Variants in NETO1 observed in about 807,000 individuals in gnomAD.
NETO1 encodes the protein neuropilin and tolloid like 1, also known as neuropilin and tolloid-like protein 1.
NETO1 carries 26 observed loss-of-function variants against 61.3 expected under a neutral mutation model. That is an observed-to-expected ratio of 0.42 (90% confidence interval 0.31 to 0.59). The LOEUF (loss-of-function observed/expected upper bound fraction) is 0.59. Among genes scored for constraint, NETO1 ranks in the 20% least tolerant of loss-of-function variants. The pLI, the probability that NETO1 is intolerant of heterozygous loss-of-function variation, is 0.12. For missense variants in NETO1, 531 were observed against 662.8 expected, an observed-to-expected ratio of 0.80 and a Z score of 2.18; for synonymous variants, 225 against 225.8, an observed-to-expected ratio of 1.00 and a Z score of 0.03.
intron 4 of NETO1, among the ~76,000 whole-genome samples, chr18:72,852,333 G>A (rs759265862): frequency 2.5e-4 from 38 of 152,112 alleles, no homozygotes; most frequent in Non-Finnish European, 5.0e-4. Flanking sequence ...TCCTGCCTCA[G>A]CCTCCCGAGT....
intron 4 of NETO1, among the ~76,000 whole-genome samples, chr18:72,851,450 G>A (rs1195987105): frequency 6.6e-6 from 1 of 151,694 alleles, no homozygotes; most frequent in South Asian, 2.1e-4. Flanking sequence ...AACAAAATTC[G>A]TGGGAGATCT....
In NETO1 at chr18:72,830,481, A is replaced by G. The variant is rs957264074; in HGVS notation, c.469+28345T>C. ...GGCATCTAAACAAGGAGTCCAAAAA[A>G]CAAACACAAATGACAAAAATAACAA... On this transcript the variant is annotated intron_variant, in intron 4 of 10. Transcript: ENST00000327305. The surrounding 1 kb of genome is among the most constrained non-coding windows in gnomAD (Gnocchi z 4.9). 1.3e-5 allele frequency among the ~76,000 whole-genome samples: 2 copies of G among 152,170 alleles called. No individual in the cohort carries two copies. The highest frequency in any genetic ancestry group is 1.3e-4 in the Admixed American group (2 of 15,280).
intron 4 of NETO1, among the ~76,000 whole-genome samples, chr18:72,800,445 G>T (rs2072467490): frequency 6.6e-6 from 1 of 152,096 alleles, no homozygotes; most frequent in African/African-American, 2.4e-5. Context: ...AGAGTAGACT[G>T]GACATAAGCA....
At chr18:72,807,051 CAGAGT>C (rs1351954168) in intron 4 of NETO1, among the ~76,000 whole-genome samples, 1 of 152,140 alleles carries the variant, frequency 6.6e-6, no homozygotes, top group African/African-American at 2.4e-5. Flanking sequence ...ATCTTAACAG[CAGAGT>C]AAAGAATAGC....
At position 72,750,631 on chromosome 18, in the gene NETO1, G is replaced by C. The variant is rs766805477; in HGVS notation, c.983-11C>G. The C allele has an allele frequency of 5.1e-6, 8 of 1,576,236 alleles. No homozygotes were observed. Among genetic ancestry groups the C allele is most frequent in the Non-Finnish European group, 6.0e-6 (7 of 1,161,972 alleles). ...TGGTTTTCCTCTTCTCTATAGGTTGGAGAGAGTGAAAACAACAAACGGACA... is the reference window on the plus strand; with the variant it reads ...TGGTTTTCCTCTTCTCTATAGGTTGCAGAGAGTGAAAACAACAAACGGACA... On this transcript the variant is annotated splice_polypyrimidine_tract_variant and intron_variant, in intron 8 of 10. Transcript: ENST00000327305.
chr18:72,849,965 G>T (rs747386863), intron 4 of NETO1, among the ~76,000 whole-genome samples: 1 of 152,170 alleles, frequency 6.6e-6, no homozygotes, highest in African/African-American at 2.4e-5. Flanking sequence ...TGCCTCCTTC[G>T]TTACATACTG....
chr18:72,789,245 CACACAT>C (rs1420420106), intron 6 of NETO1, among the ~76,000 whole-genome samples: 4 of 99,658 alleles, frequency 4.0e-5, no homozygotes, highest in African/African-American at 5.3e-5. Flanking sequence ...CACACACACA[CACACAT>C]GTGCACAGCA....
chr18:72,843,806 T>G (rs942438310), intron 4 of NETO1, among the ~76,000 whole-genome samples: 1 of 152,198 alleles, frequency 6.6e-6, no homozygotes, highest in African/African-American at 2.4e-5. Flanking sequence ...CTGGTGCCAA[T>G]TGGTAACTCG....
intron 4 of NETO1, among the ~76,000 whole-genome samples, chr18:72,814,612 T>C (rs574802151): frequency 1.6e-4 from 24 of 152,248 alleles, no homozygotes; most frequent in African/African-American, 5.5e-4. Flanking sequence ...TCTAATAATG[T>C]GTTGCTCCTA....
chr18:72,755,580 A>G (rs2070756337), intron 8 of NETO1, among the ~76,000 whole-genome samples: 1 of 152,170 alleles, frequency 6.6e-6, no homozygotes, highest in South Asian at 2.1e-4. Context: ...TTTCGTAGCA[A>G]AACTGAAGTG....
In NETO1 at chr18:72,776,222, G is replaced by A. The variant is rs529151395; in HGVS notation, c.868+7456C>T. 2.0e-5 allele frequency among the ~76,000 whole-genome samples: 3 copies of A among 152,188 alleles called. No individual in the cohort carries two copies. The South Asian group carries it at 6.2e-4, about 32-fold the overall frequency. On this transcript the variant is annotated intron_variant, in intron 7 of 10. Transcript: ENST00000327305. ...GCTGAAAAACCTGAGGGACGTCCTG[G>A]CTCTATCATAACCCATATCGTAGAA... is the stretch of plus-strand genomic sequence containing the variant.
rs146562031 is a variant in NETO1, at chr18:72,780,195, T to G, written c.868+3483A>C. Reference sequence around the variant, plus strand: ...GTTTCCGTGGAAACTTCCTGTAAATTTATGAGATGATCACAGAGAACGCTG... The same window carrying G: ...GTTTCCGTGGAAACTTCCTGTAAATGTATGAGATGATCACAGAGAACGCTG... On this transcript the variant is annotated intron_variant, in intron 7 of 10. Coordinates refer to ENST00000327305, the MANE Select transcript of NETO1 (RefSeq NM_138966.5). Among the ~76,000 whole-genome samples the G allele has an allele frequency of 7.2e-4, 109 of 152,264 alleles. No homozygotes were observed. The East Asian group carries it at 0.016, about 23-fold the overall frequency.
intron 7 of NETO1, among the ~76,000 whole-genome samples, chr18:72,773,193 T>A (rs2071433641): frequency 6.6e-6 from 1 of 151,900 alleles, no homozygotes; most frequent in African/African-American, 2.4e-5. Flanking sequence ...GTTCTCCAAA[T>A]CCAGATTTCT....
At chr18:72,772,804 T>TCC (rs2071405518) in intron 7 of NETO1, among the ~76,000 whole-genome samples, 5 of 49,710 alleles carry the variant, frequency 1.0e-4, no homozygotes, top group Non-Finnish European at 2.0e-4. Context: ...TCTCTCTCTC[T>TCC]CTCTCTCTCT....
intron 7 of NETO1, among the ~76,000 whole-genome samples, chr18:72,782,549 A>T (rs1037955550): frequency 2.0e-5 from 3 of 152,184 alleles, no homozygotes; most frequent in Non-Finnish European, 4.4e-5. Flanking sequence ...TCATGCCTCT[A>T]ATCCCAGCAC....
At chr18:72,774,755 TAAAG>T (rs2145193674) in intron 7 of NETO1, among the ~76,000 whole-genome samples, 1 of 152,356 alleles carries the variant, frequency 6.6e-6, no homozygotes, top group East Asian at 1.9e-4. Flanking sequence ...TACTCTTTCT[TAAAG>T]AATATATGCT....
intron 4 of NETO1, among the ~76,000 whole-genome samples, chr18:72,800,668 A>G (rs1047819340): frequency 3.9e-5 from 6 of 152,134 alleles, no homozygotes; most frequent in Non-Finnish European, 7.4e-5. Context: ...GCACATGGAA[A>G]AATTGTCTTC....
At chr18:72,754,390 T>G (rs1212922756) in intron 8 of NETO1, among the ~76,000 whole-genome samples, 1 of 152,032 alleles carries the variant, frequency 6.6e-6, no homozygotes, top group African/African-American at 2.4e-5. Flanking sequence ...GGCAAAGATT[T>G]TCAGACTGGA....
At chr18:72,835,263 GAGA>G (rs2073707208) in intron 4 of NETO1, 2 of 1,563,972 alleles carry the variant, frequency 1.3e-6, no homozygotes, top group African/African-American at 2.7e-5. Context: ...TGAGATGATG[GAGA>G]AGGAGAGATC....
Sources: gnomAD v4.1 joint callset for allele counts (sites outside exome capture counted in the v4.1 genomes callset) on GRCh38, gnomAD v4.1.1 for gene constraint, Gnocchi (gnomAD v3.1) non-coding constraint, MANE v1.5 for transcripts, NCBI Gene and HGNC (gene_info 2026-07-23, HGNC 2026-07-21) for gene names.